RHOA: variants seen among roughly 807,000 people sequenced by gnomAD.
The protein encoded by RHOA is ras homolog family member A.
A neutral mutation model predicts 17.5 loss-of-function variants in RHOA; 3 were observed. That is an observed-to-expected ratio of 0.17 (90% CI 0.08 to 0.44). RHOA has a LOEUF of 0.44. RHOA is among the 20% of genes least tolerant of loss of function. The pLI is 0.99. For missense variants in RHOA, 56 were observed against 242.3 expected, an observed-to-expected ratio of 0.23 and a Z score of 5.10; for synonymous variants, 98 against 88.4, an observed-to-expected ratio of 1.11 and a Z score of -0.61.
chr3:49,390,077 CCAT>C (rs1183434161), intron 1 of RHOA, among the ~76,000 whole-genome samples: 1 of 152,002 alleles, frequency 6.6e-6, no homozygotes, highest in Non-Finnish European at 1.5e-5. Flanking sequence ...GGGTCCCCGT[CCAT>C]CTATAATACC....
chr3:49,394,267 G>A (rs2048575316), intron 1 of RHOA, among the ~76,000 whole-genome samples: 1 of 152,114 alleles, frequency 6.6e-6, no homozygotes, highest in East Asian at 1.9e-4. Context: ...GCCTCCCGAA[G>A]TGCTAGGATT....
chr3:49,373,038 T>C (rs953800174), intron 2 of RHOA, among the ~76,000 whole-genome samples: 1 of 151,694 alleles, frequency 6.6e-6, no homozygotes, highest in African/African-American at 2.4e-5. Flanking sequence ...CAGAAAGAAA[T>C]AAGTAATGTG....
intron 1 of RHOA, among the ~76,000 whole-genome samples, chr3:49,406,097 A>AC (rs2048828506): frequency 6.6e-6 from 1 of 152,220 alleles, no homozygotes; most frequent in African/African-American, 2.4e-5. Flanking sequence ...CCACACACAC[A>AC]AAAAAACAGG....
chr3:49,377,765 C>T (rs1032639108), intron 1 of RHOA, among the ~76,000 whole-genome samples: 2 of 151,734 alleles, frequency 1.3e-5, no homozygotes, highest in African/African-American at 4.8e-5. Context: ...CAGAGTGGAA[C>T]CTTGTCTCAA....
In RHOA at chr3:49,367,637, T is replaced by A. The variant is rs1203453045; in HGVS notation, c.277+791A>T. 2.0e-5 allele frequency among the ~76,000 whole-genome samples: 3 copies of A among 151,874 alleles called. No homozygotes were observed. The Admixed American group carries it at 2.0e-4, about 10-fold the overall frequency. On this transcript the variant is annotated intron_variant, in intron 3 of 4. Transcript: ENST00000418115. The stretch of plus-strand genomic sequence containing the variant: ...CCCAGGCTCAAGTGATTCTCCTGCC[T>A]CAGCCCCTGGAATAGCTGGGATTAC...
chr3:49,386,235 A>C (rs987765076), intron 1 of RHOA, among the ~76,000 whole-genome samples: 3 of 68,022 alleles, frequency 4.4e-5, no homozygotes, highest in African/African-American at 1.2e-4. Context: ...TATTTAGGTC[A>C]TCTTTCATTT....
intron 1 of RHOA, among the ~76,000 whole-genome samples, chr3:49,403,468 G>C (rs1030866191): frequency 6.6e-6 from 1 of 152,036 alleles, no homozygotes. Flanking sequence ...TAATCCCAGG[G>C]CTTTGTGAGG....
chr3:49,406,078 A>G (rs1186134393), intron 1 of RHOA, among the ~76,000 whole-genome samples: 3 of 152,250 alleles, frequency 2.0e-5, no homozygotes, highest in Non-Finnish European at 4.4e-5. Flanking sequence ...CATCCAGAAA[A>G]GAAATTTTCC....
chr3:49,370,310 A>G (rs765740697), intron 2 of RHOA, among the ~76,000 whole-genome samples: 3 of 152,218 alleles, frequency 2.0e-5, no homozygotes, highest in Non-Finnish European at 4.4e-5. Context: ...TCAAAATGTC[A>G]AGTCAAAAAT....
At chr3:49,360,466 G>C (rs898100470) in intron 4 of RHOA, 84 bp from the exon 5 acceptor site, 3 of 1,427,000 alleles carry the variant, frequency 2.1e-6, no homozygotes, top group Admixed American at 2.4e-5. Flanking sequence ...TCATCTAAAA[G>C]ATTTTTTTTT....
chr3:49,394,409 G>A (rs535212969), intron 1 of RHOA, among the ~76,000 whole-genome samples: 1 of 152,084 alleles, frequency 6.6e-6, no homozygotes, highest in South Asian at 2.1e-4. Context: ...GAAGTGCAGT[G>A]GCATGATCTT....
chr3:49,366,954 T>A (rs935244529), intron 3 of RHOA: 1 of 152,036 alleles, frequency 6.6e-6, no homozygotes, highest in Non-Finnish European at 1.5e-5. Flanking sequence ...TATTAATAGA[T>A]ACCTCATCAT....
At chr3:49,411,010 C>G (rs1452003161) in intron 1 of RHOA, among the ~76,000 whole-genome samples, 2 of 152,218 alleles carry the variant, frequency 1.3e-5, no homozygotes, top group Non-Finnish European at 2.9e-5. Context: ...ATGAAGACGA[C>G]CCGTAACTGT....
At chr3:49,397,129 CAAAA>C (rs141767876) in intron 1 of RHOA, among the ~76,000 whole-genome samples, 30 of 86,240 alleles carry the variant, frequency 3.5e-4, no homozygotes, top group African/African-American at 1.3e-3. Flanking sequence ...AATCCTGTCT[CAAAA>C]AAAAAAAAAA....
chr3:49,376,439 C>A (rs909143107), intron 1 of RHOA, among the ~76,000 whole-genome samples: 7 of 148,910 alleles, frequency 4.7e-5, no homozygotes, highest in African/African-American at 1.7e-4. Context: ...GTCAGGAGAT[C>A]GAGACCATCC....
intron 1 of RHOA, among the ~76,000 whole-genome samples, chr3:49,409,643 T>C (rs2048899734): frequency 6.6e-6 from 1 of 152,154 alleles, no homozygotes; most frequent in Admixed American, 6.6e-5. Context: ...AGTCACTGCA[T>C]GGACTCCACC....
At chr3:49,392,807 T>G (rs1476738265) in intron 1 of RHOA, among the ~76,000 whole-genome samples, 1 of 152,194 alleles carries the variant, frequency 6.6e-6, no homozygotes, top group African/African-American at 2.4e-5. Context: ...CTCCCACAGC[T>G]GCTGGATTGG....
intron 2 of RHOA, among the ~76,000 whole-genome samples, chr3:49,371,166 A>C (rs1423737947): frequency 6.6e-6 from 1 of 152,000 alleles, no homozygotes; most frequent in Non-Finnish European, 1.5e-5. Context: ...AATGCTTCCA[A>C]GATGTTGAGT....
chr3:49,378,623 G>A (rs2048270874), intron 1 of RHOA, among the ~76,000 whole-genome samples: 1 of 149,524 alleles, frequency 6.7e-6, no homozygotes, highest in South Asian at 2.1e-4. Flanking sequence ...TTTTCAGAAA[G>A]GGTCTCATTC....
Sources: allele counts gnomAD v4.1 joint callset (sites outside exome capture counted in the v4.1 genomes callset), GRCh38; gene constraint gnomAD v4.1.1; transcripts MANE v1.5; gene names NCBI Gene and HGNC (gene_info 2026-07-23, HGNC 2026-07-21).